ADGRL2: variants seen among roughly 807,000 people sequenced by gnomAD.
ADGRL2 encodes the protein adhesion G protein-coupled receptor L2, also known as calcium-independent alpha-latrotoxin receptor 2.
A neutral mutation model predicts 157.4 loss-of-function variants in ADGRL2; 44 were observed. That is an observed-to-expected ratio of 0.28 (90% CI 0.22 to 0.36). The LOEUF (loss-of-function observed/expected upper bound fraction) is 0.36. Ranked by LOEUF, ADGRL2 falls within the 10% of genes least tolerant of loss-of-function variation. ADGRL2 has a pLI of 1.00. For synonymous variants in ADGRL2, 585 were observed against 624.7 expected (o/e 0.94, Z 0.95); for missense variants, 1,510 against 1,768.9 (o/e 0.85, Z 2.63).
chr1:81,327,319 G>A (rs1050086691), intron 1 of ADGRL2, among the ~76,000 whole-genome samples: 6 of 152,086 alleles, frequency 3.9e-5, no homozygotes, highest in African/African-American at 1.4e-4. Context: ...ATCTGCGGAA[G>A]CCTTTCCTTT....
At chr1:81,386,853 C>A (rs1570799739) in intron 1 of ADGRL2, among the ~76,000 whole-genome samples, 1 of 152,196 alleles carries the variant, frequency 6.6e-6, no homozygotes, top group Admixed American at 6.5e-5. Context: ...TACCATCACA[C>A]AGGAGAAGCC....
chr1:81,564,023 T>G, intron 2 of ADGRL2, among the ~76,000 whole-genome samples: 1 of 152,192 alleles, frequency 6.6e-6, no homozygotes, highest in East Asian at 1.9e-4. Context: ...AATTTCCTCC[T>G]TATCTTAGAG....
chr1:81,922,224 C>T (rs1177728771), intron 3 of ADGRL2, among the ~76,000 whole-genome samples: 1 of 152,064 alleles, frequency 6.6e-6, no homozygotes, highest in African/African-American at 2.4e-5. Context: ...GCTCGGGATA[C>T]TGAGGAGGTC....
intron 2 of ADGRL2, among the ~76,000 whole-genome samples, chr1:81,564,106 A>G (rs1348831057): frequency 6.6e-6 from 1 of 152,202 alleles, no homozygotes; most frequent in Non-Finnish European, 1.5e-5. Flanking sequence ...CACTATGTGT[A>G]TATTCATAGT....
chr1:81,413,140 T>A (rs1368251539), intron 1 of ADGRL2, among the ~76,000 whole-genome samples: 1 of 152,164 alleles, frequency 6.6e-6, no homozygotes, highest in Non-Finnish European at 1.5e-5. Flanking sequence ...ACTCCCTGGA[T>A]GTAGCCCTCC....
At chr1:81,888,491 G>C (rs374172082) in intron 2 of ADGRL2, among the ~76,000 whole-genome samples, 1 of 152,034 alleles carries the variant, frequency 6.6e-6, no homozygotes, top group Non-Finnish European at 1.5e-5. Context: ...CCAGGCTGGA[G>C]CGCAGTGGTG....
intron 11 of ADGRL2, among the ~76,000 whole-genome samples, chr1:81,958,885 T>C (rs925286623): frequency 1.3e-5 from 2 of 152,224 alleles, no homozygotes; most frequent in African/African-American, 4.8e-5. Context: ...TGGAATCATA[T>C]AGTATGTAGT....
intron 1 of ADGRL2, among the ~76,000 whole-genome samples, chr1:81,818,356 T>A (rs1020927388): frequency 6.6e-6 from 1 of 152,188 alleles, no homozygotes; most frequent in Non-Finnish European, 1.5e-5. Context: ...TTATAATGTC[T>A]TGGATTTTAC....
At chr1:81,978,881 G>T (rs1660874740) in intron 17 of ADGRL2, among the ~76,000 whole-genome samples, 1 of 151,368 alleles carries the variant, frequency 6.6e-6, no homozygotes, top group Non-Finnish European at 1.5e-5. Context: ...ACTATTTCTG[G>T]TATTCTCTTA....
intron 1 of ADGRL2, among the ~76,000 whole-genome samples, chr1:81,731,058 G>C (rs12567473): frequency 0.22 from 33,348 of 152,008 alleles, 3,957 homozygotes; most frequent in South Asian, 0.3. Flanking sequence ...CTCACAGGTG[G>C]TTACATTTTG....
chr1:81,432,490 T>C (rs1301259889), intron 1 of ADGRL2, among the ~76,000 whole-genome samples: 1 of 152,232 alleles, frequency 6.6e-6, no homozygotes, highest in African/African-American at 2.4e-5. Flanking sequence ...ATGCAACACT[T>C]GAACTTTTAA....
chr1:81,702,717 T>TA (rs1389571307), intron 1 of ADGRL2, among the ~76,000 whole-genome samples: 3 of 152,132 alleles, frequency 2.0e-5, no homozygotes, highest in Non-Finnish European at 1.5e-5. Context: ...ACCAAAATAT[T>TA]AAAAAATATT....
chr1:81,766,829 T>TA (rs2086141945), intron 2 of ADGRL2, among the ~76,000 whole-genome samples: 1 of 27,732 alleles, frequency 3.6e-5, no homozygotes, highest in Non-Finnish European at 6.0e-5. Context: ...AAACTCCGTC[T>TA]CAAAAAAAAA....
intron 1 of ADGRL2, chr1:81,426,389 A>G (rs1170063124): frequency 6.7e-6 from 2 of 300,682 alleles, no homozygotes; most frequent in South Asian, 2.8e-5. Context: ...GGTTTTCTCA[A>G]TTTCCTTCAG....
rs115170400 is a variant in ADGRL2 at position 81,907,765 on chromosome 1, T to C, written c.287+535T>C. Among the ~76,000 whole-genome samples, 563 of 152,276 alleles carry C rather than the reference T, an allele frequency of 3.7e-3. 3 individuals are homozygous for C. Among genetic ancestry groups the C allele is most frequent in the Middle Eastern group, 0.031 (9 of 294 alleles). ...CCCACAGCAGTACATTTGTTAACAG[T>C]CCATGAACCCACATTGACACATAAT... On this transcript the variant is annotated intron_variant, in intron 3 of 23. Transcript: ENST00000686636.
At chr1:81,557,846 G>A (rs2080348513) in intron 2 of ADGRL2, 1 of 152,158 alleles carries the variant, frequency 6.6e-6, no homozygotes, top group Admixed American at 6.5e-5. Context: ...GGAATGGCGT[G>A]GAAGGAGCCC....
At chr1:81,310,127 T>C (rs1659643494) in intron 1 of ADGRL2, among the ~76,000 whole-genome samples, 1 of 152,114 alleles carries the variant, frequency 6.6e-6, no homozygotes, top group Non-Finnish European at 1.5e-5. Flanking sequence ...GAAAAGCAGA[T>C]AAAGAAAAGA....
intron 2 of ADGRL2, among the ~76,000 whole-genome samples, chr1:81,793,669 C>G (rs192814593): frequency 1.5e-3 from 233 of 151,958 alleles, no homozygotes; most frequent in African/African-American, 5.5e-3. Flanking sequence ...CTATTTTTGA[C>G]CTTACATGAT....
chr1:81,528,646 CAAAAAAAAAA>C (rs59842382), intron 2 of ADGRL2, among the ~76,000 whole-genome samples: 12 of 114,664 alleles, frequency 1.0e-4, no homozygotes, highest in African/African-American at 3.4e-4. Flanking sequence ...GACTCCATCT[CAAAAAAAAAA>C]AAAAAAAAAA....
Sources: gnomAD v4.1 joint callset for allele counts (sites outside exome capture counted in the v4.1 genomes callset) on GRCh38, gnomAD v4.1.1 for gene constraint, MANE v1.5 for transcripts, NCBI Gene and HGNC (gene_info 2026-07-23, HGNC 2026-07-21) for gene names.